Variants in PPFIA2 observed in about 807,000 individuals in gnomAD.
PPFIA2 encodes the protein PPFI scaffold protein A2.
Under a neutral mutation model 175.5 loss-of-function variants are expected in PPFIA2, and 46 were observed. The ratio of observed to expected loss-of-function variants is 0.26; its 90% CI spans 0.21 to 0.34. The LOEUF (loss-of-function observed/expected upper bound fraction) is 0.34, where lower values mean the gene tolerates loss of function less well. Ranked by LOEUF, PPFIA2 falls within the 10% of genes least tolerant of loss-of-function variation. PPFIA2 has a pLI of 1.00. For synonymous variants in PPFIA2, 568 were observed against 511.4 expected, an observed-to-expected ratio of 1.11 and a Z score of -1.49; for missense variants, 1,179 against 1,506.1, an observed-to-expected ratio of 0.78 and a Z score of 3.60.
chr12:81,425,543 T>C (rs749420369), intron 7 of PPFIA2, among the ~76,000 whole-genome samples: 1 of 152,098 alleles, frequency 6.6e-6, no homozygotes, highest in Non-Finnish European at 1.5e-5. Context: ...TATTTACTTA[T>C]TTTTAGTAGA....
chr12:81,396,215 C>T (rs528702954), intron 8 of PPFIA2, among the ~76,000 whole-genome samples: 1 of 152,168 alleles, frequency 6.6e-6, no homozygotes, highest in African/African-American at 2.4e-5. Flanking sequence ...AAGTGTTCAT[C>T]ATGTTCTAGG....
intron 4 of PPFIA2, among the ~76,000 whole-genome samples, chr12:81,671,206 C>A (rs1007336539): frequency 6.6e-6 from 1 of 151,832 alleles, no homozygotes; most frequent in African/African-American, 2.4e-5. Flanking sequence ...CACTCAATTG[C>A]CAAACCAGAA....
intron 22 of PPFIA2, among the ~76,000 whole-genome samples, chr12:81,324,374 A>G (rs916150805): frequency 1.3e-5 from 2 of 152,040 alleles, no homozygotes; most frequent in African/African-American, 4.8e-5. Flanking sequence ...GCACTGCCTC[A>G]ATATCAGACT....
intron 15 of PPFIA2, among the ~76,000 whole-genome samples, chr12:81,362,192 T>C (rs1228165943): frequency 1.3e-5 from 2 of 151,384 alleles, no homozygotes; most frequent in Non-Finnish European, 3.0e-5. Context: ...TTCCTCTTTT[T>C]TTTTTTTGCA....
rs1384449410 is a variant in PPFIA2 at position 81,274,124 on chromosome 12, T to C, written c.3310+3193A>G. Among the ~76,000 whole-genome samples, 4 of 152,130 alleles carry C rather than the reference T, an allele frequency of 2.6e-5. No individual in the cohort carries two copies. In the South Asian group the frequency reaches 8.3e-4, roughly 32 times the overall value. On this transcript the variant is annotated intron_variant, in intron 28 of 32. Transcript: ENST00000549396. ...GCTGCTGCTGATAGTTACTGATTCA[T>C]TCTAACAACTGGTTACCCTACACTT...
chr12:81,285,667 C>T (rs1565915075), intron 24 of PPFIA2, among the ~76,000 whole-genome samples: 1 of 152,060 alleles, frequency 6.6e-6, no homozygotes, highest in Non-Finnish European at 1.5e-5. Flanking sequence ...GCATTATTCA[C>T]ATGTTTGTGG....
intron 3 of PPFIA2, among the ~76,000 whole-genome samples, chr12:81,701,515 A>C (rs547584453): frequency 1.3e-5 from 2 of 151,996 alleles, no homozygotes; most frequent in Admixed American, 6.6e-5. Flanking sequence ...GCTTTGTGTC[A>C]GGCTACTTGG....
intron 4 of PPFIA2, among the ~76,000 whole-genome samples, chr12:81,488,917 C>T (rs2146978287): frequency 6.6e-6 from 1 of 151,874 alleles, no homozygotes; most frequent in South Asian, 2.1e-4. Context: ...AATAAGCTAC[C>T]TAATGGAATA....
intron 4 of PPFIA2, among the ~76,000 whole-genome samples, chr12:81,671,084 C>T (rs1351822021): frequency 6.6e-6 from 1 of 151,844 alleles, no homozygotes; most frequent in African/African-American, 2.4e-5. Flanking sequence ...CCAAATCATT[C>T]ATATATTCCC....
intron 4 of PPFIA2, among the ~76,000 whole-genome samples, chr12:81,555,525 A>G (rs552943223): frequency 1.3e-5 from 2 of 152,122 alleles, no homozygotes; most frequent in South Asian, 4.1e-4. Flanking sequence ...GAAATTGATA[A>G]TTTATAAATC....
intron 3 of PPFIA2, among the ~76,000 whole-genome samples, chr12:81,700,279 A>G (rs899284749): frequency 2.6e-5 from 4 of 152,232 alleles, no homozygotes; most frequent in South Asian, 4.1e-4. Context: ...CACATAAAAT[A>G]TAATGTTATA....
At chr12:81,478,708 T>A (rs1216249654) in intron 4 of PPFIA2, among the ~76,000 whole-genome samples, 3 of 152,226 alleles carry the variant, frequency 2.0e-5, no homozygotes, top group Non-Finnish European at 4.4e-5. Flanking sequence ...TTATCCAGTT[T>A]CCATGTAGTT....
At chr12:81,446,189 G>A (rs560459336) in intron 5 of PPFIA2, among the ~76,000 whole-genome samples, 1 of 152,076 alleles carries the variant, frequency 6.6e-6, no homozygotes, top group African/African-American at 2.4e-5. Flanking sequence ...TTAATCACAT[G>A]GTTTTATTCA....
At chr12:81,333,799 G>A (rs2056595619) in intron 21 of PPFIA2, among the ~76,000 whole-genome samples, 3 of 152,058 alleles carry the variant, frequency 2.0e-5, no homozygotes, top group Admixed American at 2.0e-4. Context: ...TCAGATACCT[G>A]AGCTGTGGAA....
At chr12:81,423,160 T>A (rs183962483) in intron 7 of PPFIA2, among the ~76,000 whole-genome samples, 1 of 152,092 alleles carries the variant, frequency 6.6e-6, no homozygotes, top group Non-Finnish European at 1.5e-5. Flanking sequence ...CATGAACCAA[T>A]GCCTTCACAG....
chr12:81,377,147 A>T (rs1367162265), intron 9 of PPFIA2, among the ~76,000 whole-genome samples: 3 of 152,116 alleles, frequency 2.0e-5, no homozygotes, highest in Admixed American at 2.0e-4. Context: ...TGGGATGAAA[A>T]CTTGAAGTGA....
intron 4 of PPFIA2, among the ~76,000 whole-genome samples, chr12:81,560,633 T>G (rs2069848371): frequency 6.6e-6 from 1 of 152,142 alleles, no homozygotes; most frequent in Admixed American, 6.5e-5. Context: ...TCTAAATATT[T>G]TAACTGAGCT....
intron 4 of PPFIA2, among the ~76,000 whole-genome samples, chr12:81,574,440 C>T (rs1231520537): frequency 1.3e-5 from 2 of 151,534 alleles, no homozygotes; most frequent in Admixed American, 6.6e-5. Context: ...AAAGAGCTTA[C>T]AAAAATCCCA....
intron 4 of PPFIA2, among the ~76,000 whole-genome samples, chr12:81,616,815 T>C (rs1483383621): frequency 6.6e-6 from 1 of 152,166 alleles, no homozygotes; most frequent in East Asian, 1.9e-4. Flanking sequence ...AGTAACATGA[T>C]TACAGTGCTT....
Sources: allele counts gnomAD v4.1 joint callset (sites outside exome capture counted in the v4.1 genomes callset), GRCh38; gene constraint gnomAD v4.1.1; transcripts MANE v1.5; gene names NCBI Gene and HGNC (gene_info 2026-07-23, HGNC 2026-07-21).